Variants in CDH3 observed in about 807,000 individuals in gnomAD.
The protein encoded by CDH3 is cadherin-3.
A neutral mutation model predicts 82.0 loss-of-function variants in CDH3; 54 were observed. The observed-to-expected ratio is 0.66, with a 90% CI of 0.53 to 0.83. The LOEUF (loss-of-function observed/expected upper bound fraction) is 0.83, where lower values mean the gene tolerates loss of function less well. Among genes scored for constraint, CDH3 ranks in the 40% least tolerant of loss-of-function variants. CDH3 has a pLI of 0.00. For synonymous variants in CDH3, 446 were observed against 437.9 expected, an observed-to-expected ratio of 1.02 and a Z score of -0.23; for missense variants, 1,054 against 1,084.6, an observed-to-expected ratio of 0.97 and a Z score of 0.40.
chr16:68,678,933 A>G (rs1220803012), intron 6 of CDH3, 27 bp downstream of exon 6: 1 of 1,611,684 alleles, frequency 6.2e-7, no homozygotes, highest in Non-Finnish European at 8.5e-7. Flanking sequence ...GGGGACTGCT[A>G]CGGGGCTGGG....
intron 2 of CDH3, among the ~76,000 whole-genome samples, chr16:68,726,016 A>G (rs1037163586): frequency 6.6e-6 from 1 of 152,052 alleles, no homozygotes; most frequent in Non-Finnish European, 1.5e-5. Flanking sequence ...CTGAGATTGC[A>G]CTACTGCACT....
chr16:68,671,625 G>A (rs544081720), intron 2 of CDH3, among the ~76,000 whole-genome samples: 139 of 147,908 alleles, frequency 9.4e-4, no homozygotes, highest in African/African-American at 2.8e-3. Context: ...GGGTTCAAGC[G>A]ATTCTCCTGC....
At position 68,707,350 on chromosome 16, in the gene CDH3, G is replaced by T. The variant is rs1961977465; in HGVS notation, c.99+11427G>T. Among the ~76,000 whole-genome samples the T allele has an allele frequency of 6.6e-6, 1 of 152,178 alleles. No individual in the cohort carries two copies. The highest frequency in any genetic ancestry group is 6.5e-5 in the Admixed American group (1 of 15,282). The stretch of plus-strand genomic sequence containing the variant: ...GCCTGGGCTGGAGGCTGAGTTCAGG[G>T]CAAGGCCCAGTCCCAGGAGCCCTGA... On this transcript the variant is annotated intron_variant, in intron 1 of 2. Transcript: ENST00000569080. The surrounding 1 kb of genome is among the most constrained non-coding windows in gnomAD (Gnocchi z 4.5).
intron 12 of CDH3, among the ~76,000 whole-genome samples, chr16:68,689,316 G>A (rs1256841937): frequency 1.3e-5 from 2 of 151,974 alleles, no homozygotes; most frequent in East Asian, 1.9e-4. Context: ...GGCGGATCAC[G>A]AGGTCAAGAG....
At position 68,699,850 on chromosome 16, in the gene CDH3, T is replaced by A. The variant is rs1961861216; in HGVS notation, c.*1450T>A. 6.6e-6 allele frequency: 1 copy of A among 152,064 alleles called. No individual in the cohort carries two copies. The highest frequency in any genetic ancestry group is 2.4e-5 in the African/African-American group (1 of 41,386). The allele number at this position is 152,064 out of a possible 1,614,324, so 9.4% of individuals were successfully genotyped here. ...GATTTTACATTTACAAAATGGGGAG[T>A]TTTTGTGGAGATTAAGTGAATTAAT... On this transcript the variant is annotated 3_prime_UTR_variant, in exon 16 of 16. Coordinates refer to ENST00000264012, the MANE Select transcript of CDH3 (RefSeq NM_001793.6).
chr16:68,675,120 TAAAA>T (rs1281929758), intron 2 of CDH3, among the ~76,000 whole-genome samples: 1 of 149,148 alleles, frequency 6.7e-6, no homozygotes, highest in East Asian at 2.0e-4. Flanking sequence ...TTCCAAAAAA[TAAAA>T]AAAGTAAAAA....
chr16:68,677,724 C>T (rs746441055), intron 3 of CDH3, among the ~76,000 whole-genome samples: 7 of 152,160 alleles, frequency 4.6e-5, no homozygotes, highest in Non-Finnish European at 1.0e-4. Flanking sequence ...GGTGGCAGAG[C>T]GAGACTCCGT....
intron 2 of CDH3, among the ~76,000 whole-genome samples, chr16:68,650,882 C>T (rs538274523): frequency 6.6e-6 from 1 of 151,316 alleles, no homozygotes; most frequent in Admixed American, 6.6e-5. Context: ...TCCCTGCTGC[C>T]ACATCCCATG....
At chr16:68,647,281 C>T (rs1047186358) in intron 2 of CDH3, among the ~76,000 whole-genome samples, 1 of 133,500 alleles carries the variant, frequency 7.5e-6, no homozygotes, top group Non-Finnish European at 1.6e-5. Flanking sequence ...TTGTCAAGTT[C>T]TCTGACTACA....
chr16:68,663,800 ATATTTTATTTTT>A (rs1960663057), intron 2 of CDH3, among the ~76,000 whole-genome samples: 1 of 151,542 alleles, frequency 6.6e-6, no homozygotes, highest in Non-Finnish European at 1.5e-5. Flanking sequence ...TTTTAATCAG[ATATTTTATTTTT>A]TATTTTATTT....
At chr16:68,705,923 G>A (rs1457427310) in intron 1 of CDH3, among the ~76,000 whole-genome samples, 7 of 151,464 alleles carry the variant, frequency 4.6e-5, no homozygotes, top group South Asian at 2.1e-4. Flanking sequence ...ACATTAGCGC[G>A]GCGTGGTGGC....
downstream of CDH3, among the ~76,000 whole-genome samples, chr16:68,727,791 C>A (rs958987695): frequency 5.9e-4 from 89 of 152,000 alleles, no homozygotes; most frequent in African/African-American, 2.1e-3. Context: ...TGCCTGTAAT[C>A]CCAGCTACTC....
intron 2 of CDH3, among the ~76,000 whole-genome samples, chr16:68,654,579 T>G (rs955827881): frequency 2.1e-5 from 3 of 141,422 alleles, no homozygotes; most frequent in Non-Finnish European, 3.1e-5. Context: ...GGCAGGTGCC[T>G]GTAATCCCAG....
intron 12 of CDH3, among the ~76,000 whole-genome samples, chr16:68,689,920 C>T (rs1002537782): frequency 6.6e-6 from 1 of 152,148 alleles, no homozygotes; most frequent in African/African-American, 2.4e-5. Flanking sequence ...GGTAGAAACC[C>T]GCAATGCTGT....
chr16:68,680,775 C>T lies in CDH3; in HGVS notation c.868-193C>T, dbSNP rs115553723. 2.4e-3 allele frequency among the ~76,000 whole-genome samples: 359 copies of T among 152,284 alleles called. 2 individuals are homozygous for T. The highest frequency in any genetic ancestry group is 8.2e-3 in the African/African-American group (341 of 41,570). On this transcript the variant is annotated intron_variant, in intron 7 of 15. Transcript: ENST00000264012. ...GCCCAGGAGAACTATTTGGATCACT[C>T]GTTCCCTCTCCAACAGCATCCTCTG...
In CDH3 at chr16:68,645,319, A is replaced by C; in HGVS notation, c.-61A>C. 16 of 1,559,456 alleles carry C rather than the reference A, an allele frequency of 1.0e-5. No homozygotes were observed. Among genetic ancestry groups the C allele is most frequent in the Non-Finnish European group, 1.4e-5 (16 of 1,136,330 alleles). On this transcript the variant is annotated 5_prime_UTR_variant, in exon 1 of 16. Coordinates refer to ENST00000264012, the MANE Select transcript of CDH3 (RefSeq NM_001793.6). ...GGGGGCTGCGGTGCTCAAAGGGGCAAGAGCTGAGCGGAACACCGGCCCGCC... is the reference window on the plus strand; with the variant it reads ...GGGGGCTGCGGTGCTCAAAGGGGCACGAGCTGAGCGGAACACCGGCCCGCC...
At chr16:68,691,609 T>G in intron 12 of CDH3, 111 bp from the exon 13 acceptor site, 1 of 838,734 alleles carries the variant, frequency 1.2e-6, no homozygotes, top group Non-Finnish European at 2.0e-6. Context: ...TTGTGGAGTA[T>G]TTCTCTGCAT....
intron 1 of CDH3, among the ~76,000 whole-genome samples, chr16:68,713,687 G>A (rs998599215): frequency 2.6e-5 from 4 of 152,116 alleles, no homozygotes; most frequent in African/African-American, 7.2e-5. Context: ...CAAGGGCCAA[G>A]CAGCATGTCA....
chr16:68,718,818 G>A (rs1444112462), intron 1 of CDH3, among the ~76,000 whole-genome samples: 4 of 152,144 alleles, frequency 2.6e-5, no homozygotes, highest in African/African-American at 4.8e-5. Flanking sequence ...ACACAAAGAC[G>A]CATACATGTT....
Sources: gnomAD v4.1 joint callset for allele counts (sites outside exome capture counted in the v4.1 genomes callset) on GRCh38, gnomAD v4.1.1 for gene constraint, Gnocchi (gnomAD v3.1) non-coding constraint, MANE v1.5 for transcripts, NCBI Gene and HGNC (gene_info 2026-07-23, HGNC 2026-07-21) for gene names.